The following INF2 variants were observed in gnomAD, a reference collection of about 807,000 sequenced individuals.
The protein encoded by INF2 is inverted formin 2.
Under a neutral mutation model 123.5 loss-of-function variants are expected in INF2, and 43 were observed. That is an observed-to-expected ratio of 0.35 (90% CI 0.27 to 0.45). The LOEUF (loss-of-function observed/expected upper bound fraction) is 0.45. Ranked by LOEUF, INF2 falls within the 20% of genes least tolerant of loss-of-function variation. The pLI, the probability that INF2 is intolerant of heterozygous loss-of-function variation, is 1.00. For missense variants in INF2, 1,453 were observed against 1,682.7 expected (o/e 0.86, Z 2.39); for synonymous variants, 851 against 745.0 (o/e 1.14, Z -2.32).
intron 5 of INF2, 69 bp from the exon 6 acceptor site, chr14:104,705,966 C>G: frequency 7.0e-6 from 11 of 1,569,562 alleles, no homozygotes; most frequent in South Asian, 2.3e-5. Flanking sequence ...TGGCGCTGAC[C>G]CAGGCTGCCC....
Position 104,684,199 on chromosome 14 carries a change from A to C in INF2, c.-104+2617A>C. ...CAGCACGCATCCCATCTGGACTCCC[A>C]CCAGACAACTGAGGCAACCGAGAAG... On this transcript the variant is annotated intron_variant, in intron 1 of 2. Transcript: ENST00000674723. This position sits in a 1 kb window ranked among gnomAD's most constrained non-coding sequence, Gnocchi z 5.0. 2.2e-6 allele frequency: 1 copy of C among 451,140 alleles called. No individual in the cohort carries two copies. The highest frequency in any genetic ancestry group is 4.5e-6 in the Non-Finnish European group (1 of 223,248). 27.9% of individuals were successfully genotyped at this position (451,140 alleles called of 1,614,324 possible). A position where few individuals can be genotyped will look rare whatever the true frequency, so the allele number is the denominator to read the frequency against.
intron 1 of INF2, among the ~76,000 whole-genome samples, chr14:104,692,026 A>C (rs1229821957): frequency 1.3e-5 from 2 of 152,164 alleles, no homozygotes; most frequent in Admixed American, 1.3e-4. Context: ...GCTGTAATTA[A>C]ATAAGGAACC....
At chr14:104,687,641 T>C (rs1888698043), upstream of INF2, among the ~76,000 whole-genome samples, 1 of 152,146 alleles carries the variant, frequency 6.6e-6, no homozygotes, top group Non-Finnish European at 1.5e-5. This position sits in a 1 kb window ranked among gnomAD's most constrained non-coding sequence, Gnocchi z 5.6. Flanking sequence ...CTGGACCAGG[T>C]GTGCAGCTCG....
intron 17 of INF2, 39 bp from the exon 18 acceptor site, chr14:104,712,789 C>T (rs1305238870): frequency 7.0e-6 from 11 of 1,570,996 alleles, no homozygotes; most frequent in Non-Finnish European, 8.6e-6. Context: ...GGTGCCCGCG[C>T]GGGGCTCTCA....
At chr14:104,717,295 TCCCCCCCCCGGGCAGGGCGCGC>T (rs1890348161) in intron 22 of INF2, among the ~76,000 whole-genome samples, 1 of 92,146 alleles carries the variant, frequency 1.1e-5, no homozygotes, top group Non-Finnish European at 2.2e-5. Flanking sequence ...GTCCTCCCAG[TCCCCCCCCCGGGCAGGGCGCGC>T]TGCCGTCCTC....
chr14:104,706,834 T>C, intron 6 of INF2, 76 bp from the exon 7 acceptor site: 1 of 1,537,740 alleles, frequency 6.5e-7, no homozygotes. Context: ...CTGGACACCC[T>C]GGCAGACAGG....
intron 1 of INF2, among the ~76,000 whole-genome samples, chr14:104,697,887 C>CGGGGG (rs58831678): frequency 9.9e-5 from 15 of 151,804 alleles, no homozygotes; most frequent in African/African-American, 3.6e-4. Flanking sequence ...GGTGGACTGC[C>CGGGGG]GGGGGGGGTG....
chr14:104,693,265 G>A lies in INF2; in HGVS notation c.-10+3526G>A, dbSNP rs532404971. Among the ~76,000 whole-genome samples, 8 of 152,342 alleles carry A rather than the reference G, an allele frequency of 5.3e-5. No homozygotes were observed. In the East Asian group the frequency reaches 9.7e-4, roughly 18 times the overall value. ...CACCCCAAGGTCCAAAGTGGGAGAG[G>A]TGGGGTGGGGGAGAGGGAGTGGGGT... On this transcript the variant is annotated intron_variant, in intron 1 of 22. Transcript: ENST00000392634.
chr14:104,709,163 C>T lies in INF2; in HGVS notation c.1950-118C>T, dbSNP rs1286108046. ...CAACAACTCGACTGTTCTGTGTCCC[C>T]CCTGCCCTGGCCACCCCATGACTAC... On this transcript the variant is annotated intron_variant, in intron 10 of 22. Transcript: ENST00000392634. The T allele has an allele frequency of 4.0e-6, 3 of 752,804 alleles. No individual in the cohort carries two copies. The Admixed American group carries it at 6.2e-5, about 16-fold the overall frequency. 46.6% of individuals were successfully genotyped at this position (752,804 alleles called of 1,614,324 possible).
intron 22 of INF2, among the ~76,000 whole-genome samples, chr14:104,717,376 C>G (rs547194935): frequency 6.6e-6 from 1 of 152,158 alleles, no homozygotes; most frequent in South Asian, 2.1e-4. Flanking sequence ...CCAGTCCCCC[C>G]CGGGCAGGGT....
At chr14:104,714,152 C>G (rs1296484135) in intron 20 of INF2, 51 bp from the exon 21 acceptor site, 4 of 1,433,364 alleles carry the variant, frequency 2.8e-6, no homozygotes, top group Non-Finnish European at 3.7e-6. Context: ...TGCACCTGGG[C>G]TGGCTCGGGG....
chr14:104,706,230 T>G, intron 6 of INF2, 54 bp downstream of exon 6: 1 of 1,512,344 alleles, frequency 6.6e-7, no homozygotes. Flanking sequence ...GCTGTGGCCC[T>G]GAGGTCCAGA....
chr14:104,711,194 G>C lies in INF2; in HGVS notation c.2418+8G>C, dbSNP rs778305724. 6.4e-7 allele frequency: 1 copy of C among 1,550,892 alleles called. No homozygotes were observed. The highest frequency in any genetic ancestry group is 1.9e-5 in the Admixed American group (1 of 51,524). Reference sequence around the variant, plus strand: ...CTGCACCACGTGCTGGAGGTGGGCCGTGGTGGCGGGGGCATAATGGGAGGG... The same window carrying C: ...CTGCACCACGTGCTGGAGGTGGGCCCTGGTGGCGGGGGCATAATGGGAGGG... On this transcript the variant is annotated splice_region_variant and intron_variant, in intron 15 of 22. Transcript: ENST00000392634.
intron 22 of INF2, among the ~76,000 whole-genome samples, chr14:104,718,281 G>A (rs1339789060): frequency 6.6e-6 from 1 of 152,250 alleles, no homozygotes; most frequent in Admixed American, 6.5e-5. Flanking sequence ...AGAAAGCGAA[G>A]AGGGCGTTGG....
In INF2 at chr14:104,699,546, G is replaced by A. The variant is rs1467306530; in HGVS notation, c.-9-1811G>A. The A allele has an allele frequency of 1.8e-5, 18 of 985,192 alleles. No individual in the cohort carries two copies. The highest frequency in any genetic ancestry group is 2.0e-5 in the Non-Finnish European group (17 of 829,876). The allele number at this position is 985,192 out of a possible 1,614,324, so 61.0% of individuals were successfully genotyped here. A position where few individuals can be genotyped will look rare whatever the true frequency, so the allele number is the denominator to read the frequency against. On this transcript the variant is annotated intron_variant, in intron 1 of 22. Transcript: ENST00000392634. The surrounding 1 kb of genome is among the most constrained non-coding windows in gnomAD (Gnocchi z 4.7). ...CAGGGGAGCGTGAGGAGCAGCCCAG[G>A]ACAGGGCCCAGAGTGGGTGGGCAGA... is the stretch of plus-strand genomic sequence containing the variant.
Position 104,701,488 on chromosome 14 carries a change from G to C in INF2, c.123G>C (p.Leu41=). ...CGGACCCCGAGCTGTGCATCCGGCTGCTCCAGATGCCCTCTGTGGTCAACT... is the reference window on the plus strand; with the variant it reads ...CGGACCCCGAGCTGTGCATCCGGCTCCTCCAGATGCCCTCTGTGGTCAACT... ...ESADPELCIR[L]LQMPSVVNYS... is the part of the protein sequence containing the mutation. Residue 41 remains leucine (L), a synonymous_variant, in exon 2 of 23, where the codon CTG becomes CTC. Coordinates refer to ENST00000392634, the MANE Select transcript of INF2 (RefSeq NM_022489.4). 6.2e-7 allele frequency: 1 copy of C among 1,603,576 alleles called. No individual in the cohort carries two copies. Among genetic ancestry groups the C allele is most frequent in the Non-Finnish European group, 8.5e-7 (1 of 1,175,554 alleles).
chr14:104,713,550 A>T lies in INF2; in HGVS notation c.2984A>T (p.Asp995Val), dbSNP rs748234626. The T allele has an allele frequency of 6.2e-7, 1 of 1,611,908 alleles. No individual in the cohort carries two copies. Among genetic ancestry groups the T allele is most frequent in the Non-Finnish European group, 8.5e-7 (1 of 1,179,674 alleles). ...QLRKTARGRG[D>V]TDGGSKAASM... ...CGGAAGACAGCCCGGGGCCGCGGGG[A>T]CACCGACGGGGGCAGCAAGGCAGCC... is the stretch of plus-strand genomic sequence containing the variant. Residue 995 changes from aspartate to valine, a missense_variant, in exon 20 of 23, where the codon GAC (aspartate) becomes GTC (valine). Coordinates refer to ENST00000392634, the MANE Select transcript of INF2 (RefSeq NM_022489.4).
At chr14:104,717,288 C>T (rs1890345896) in intron 22 of INF2, among the ~76,000 whole-genome samples, 2 of 128,014 alleles carry the variant, frequency 1.6e-5, no homozygotes, top group Non-Finnish European at 3.3e-5. Flanking sequence ...CGCTGCCGTC[C>T]TCCCAGTCCC....
In INF2 at chr14:104,707,572, C is replaced by T. The variant is rs1396253816; in HGVS notation, c.1305C>T (p.Ala435=). The T allele has an allele frequency of 3.9e-5, 43 of 1,095,620 alleles. No homozygotes were observed. Among genetic ancestry groups the T allele is most frequent in the African/African-American group, 1.7e-4 (8 of 47,336 alleles). The allele number at this position is 1,095,620 out of a possible 1,614,324, so 67.9% of individuals were successfully genotyped here. A position where few individuals can be genotyped will look rare whatever the true frequency, so the allele number is the denominator to read the frequency against. The stretch of plus-strand genomic sequence containing the variant: ...CACCCCTGCTCCCTGGTTCCAGTGC[C>T]GAGCCCCCTCCCCCTCCCCCACCAC... ...PPPPLLPGSS[A]EPPPPPPPPP... Residue 435 remains alanine, a synonymous_variant, in exon 8 of 23, where the codon GCC becomes GCT. Transcript: ENST00000392634.
Sources: allele counts gnomAD v4.1 joint callset (sites outside exome capture counted in the v4.1 genomes callset), GRCh38; gene constraint gnomAD v4.1.1; non-coding constraint Gnocchi (gnomAD v3.1); transcripts MANE v1.5; gene names NCBI Gene and HGNC (gene_info 2026-07-23, HGNC 2026-07-21).